ULK4: variants seen among roughly 807,000 people sequenced by gnomAD.
The protein encoded by ULK4 is inactive serine/threonine-protein kinase ULK4.
In ULK4, 133 loss-of-function variants were observed where a neutral mutation model predicts 160.6. The observed-to-expected ratio is 0.83, with a 90% CI of 0.72 to 0.96. The LOEUF is 0.96. ULK4 is among the 40% of genes least tolerant of loss of function. The pLI is 0.00. For missense variants in ULK4, 1,580 were observed against 1,499.5 expected, an observed-to-expected ratio of 1.05 and a Z score of -0.89; for synonymous variants, 534 against 539.8, an observed-to-expected ratio of 0.99 and a Z score of 0.15.
At chr3:41,258,763 GC>G (rs1212413660) in intron 35 of ULK4, among the ~76,000 whole-genome samples, 1 of 151,996 alleles carries the variant, frequency 6.6e-6, no homozygotes, top group Non-Finnish European at 1.5e-5. Flanking sequence ...TAAGACATCT[GC>G]CTGGTAGCTA....
At position 41,722,702 on chromosome 3, in the gene ULK4, A is replaced by C. The variant is rs527732959; in HGVS notation, c.2322-4841T>G. ...GCCTGACATCTCTTCAGAGATTAGAATTTGATGCCATTAAAATTGTTCTAC... is the reference window on the plus strand; with the variant it reads ...GCCTGACATCTCTTCAGAGATTAGACTTTGATGCCATTAAAATTGTTCTAC... On this transcript the variant is annotated intron_variant, in intron 22 of 36. Transcript: ENST00000301831. Among the ~76,000 whole-genome samples the C allele has an allele frequency of 3.9e-5, 6 of 152,346 alleles. No homozygotes were observed. In the South Asian group the frequency reaches 1.2e-3, roughly 32 times the overall value.
chr3:41,800,668 G>A (rs2125604869), intron 19 of ULK4, among the ~76,000 whole-genome samples: 1 of 152,260 alleles, frequency 6.6e-6, no homozygotes, highest in East Asian at 1.9e-4. Flanking sequence ...ATACGGAGCA[G>A]GCAGAATAAT....
At chr3:41,337,475 A>C (rs1431557665) in intron 35 of ULK4, among the ~76,000 whole-genome samples, 1 of 152,134 alleles carries the variant, frequency 6.6e-6, no homozygotes, top group African/African-American at 2.4e-5. Context: ...GGGGCACACC[A>C]ACACCAACTA....
chr3:41,519,374 C>T (rs559595148), intron 32 of ULK4, among the ~76,000 whole-genome samples: 1 of 152,354 alleles, frequency 6.6e-6, no homozygotes, highest in East Asian at 1.9e-4. Context: ...CACCACTCCC[C>T]AGGAGGGGTT....
chr3:41,398,388 C>CTTTT, intron 34 of ULK4, 124 bp from the exon 35 acceptor site: 4 of 726,210 alleles, frequency 5.5e-6, no homozygotes, highest in East Asian at 3.3e-5. Context: ...TACTTTTTTA[C>CTTTT]TTTTTTTTTT....
At chr3:41,350,497 T>C (rs1253217636) in intron 35 of ULK4, among the ~76,000 whole-genome samples, 1 of 152,210 alleles carries the variant, frequency 6.6e-6, no homozygotes, top group Non-Finnish European at 1.5e-5. Context: ...AAACTACAAT[T>C]TGACGGCTTG....
chr3:41,438,108 T>TTA (rs1553666501), intron 34 of ULK4, among the ~76,000 whole-genome samples: 1 of 122,926 alleles, frequency 8.1e-6, no homozygotes, highest in Non-Finnish European at 1.7e-5. Context: ...TGTTTATTGT[T>TTA]AAAAAAAAAA....
chr3:41,356,148 T>C (rs200031129), intron 35 of ULK4, among the ~76,000 whole-genome samples: 1 of 151,550 alleles, frequency 6.6e-6, no homozygotes, highest in South Asian at 2.1e-4. Flanking sequence ...AGAAGCCCTG[T>C]CCCCTGTGTT....
chr3:41,953,311 T>A (rs1474073985), intron 2 of ULK4, among the ~76,000 whole-genome samples: 19 of 98,520 alleles, frequency 1.9e-4, no homozygotes, highest in East Asian at 5.1e-4. Flanking sequence ...TATATTTTTT[T>A]TTTTTTTTGA....
intron 9 of ULK4, among the ~76,000 whole-genome samples, chr3:41,911,919 G>A (rs9845322): frequency 2.9e-4 from 44 of 151,966 alleles, no homozygotes; most frequent in African/African-American, 9.9e-4. Context: ...TTGGGAGGCC[G>A]AGGCAGACGG....
chr3:41,745,287 A>T (rs967184800), intron 22 of ULK4, among the ~76,000 whole-genome samples: 1 of 151,676 alleles, frequency 6.6e-6, no homozygotes, highest in African/African-American at 2.4e-5. Context: ...AAATAAAAAC[A>T]GAAGAGGTAC....
At chr3:41,577,350 G>A (rs1208859058) in intron 31 of ULK4, among the ~76,000 whole-genome samples, 1 of 151,984 alleles carries the variant, frequency 6.6e-6, no homozygotes, top group Non-Finnish European at 1.5e-5. Context: ...TTTAATTTTT[G>A]TGAATACATA....
At chr3:41,260,741 T>G (rs1187613484) in intron 35 of ULK4, among the ~76,000 whole-genome samples, 1 of 152,174 alleles carries the variant, frequency 6.6e-6, no homozygotes, top group Non-Finnish European at 1.5e-5. Context: ...CTCCCCTAGA[T>G]TTGACCCAGG....
chr3:41,920,829 A>C (rs1371197611), intron 5 of ULK4, among the ~76,000 whole-genome samples: 14 of 152,198 alleles, frequency 9.2e-5, no homozygotes. Flanking sequence ...CTATGCTATC[A>C]CATTTTGTAC....
chr3:41,870,262 T>C (rs975409757), intron 17 of ULK4, among the ~76,000 whole-genome samples: 2 of 152,216 alleles, frequency 1.3e-5, no homozygotes, highest in Admixed American at 6.5e-5. Context: ...TTTGGAAACA[T>C]TTTCAACAAT....
At chr3:41,706,359 ATTTATATATATATTTAATATATATATT>A (rs2125829370) in intron 25 of ULK4, among the ~76,000 whole-genome samples, 2 of 142,340 alleles carry the variant, frequency 1.4e-5, no homozygotes, top group South Asian at 4.3e-4. Context: ...ATATATATAT[ATTTATATATATATTTAATATATATATT>A]TATATATATT....
At chr3:41,668,560 G>C (rs1410016679) in intron 29 of ULK4, among the ~76,000 whole-genome samples, 1 of 152,098 alleles carries the variant, frequency 6.6e-6, no homozygotes, top group Non-Finnish European at 1.5e-5. Context: ...GTGCCACCTA[G>C]GTTTGTATAA....
intron 34 of ULK4, among the ~76,000 whole-genome samples, chr3:41,452,634 T>G (rs982885129): frequency 6.6e-6 from 1 of 152,194 alleles, no homozygotes; most frequent in African/African-American, 2.4e-5. Flanking sequence ...AAATATTTTG[T>G]GCTTCTTAAA....
At chr3:41,799,936 C>T (rs1366649025) in intron 20 of ULK4, among the ~76,000 whole-genome samples, 196 bp downstream of exon 20, 1 of 152,154 alleles carries the variant, frequency 6.6e-6, no homozygotes, top group East Asian at 1.9e-4. Flanking sequence ...TTGAAATTCT[C>T]TCACAGTCTC....
Sources: gnomAD v4.1 joint callset for allele counts (sites outside exome capture counted in the v4.1 genomes callset) on GRCh38, gnomAD v4.1.1 for gene constraint, MANE v1.5 for transcripts, NCBI Gene and HGNC (gene_info 2026-07-23, HGNC 2026-07-21) for gene names.